The following NLRP11 variants were observed in gnomAD, a reference collection of about 807,000 sequenced individuals.
The protein encoded by NLRP11 is NACHT, LRR and PYD domains-containing protein 11.
Under a neutral mutation model 79.3 loss-of-function variants are expected in NLRP11, and 53 were observed. That is an observed-to-expected ratio of 0.67 (90% confidence interval 0.54 to 0.84). NLRP11 has a LOEUF of 0.84. Among genes scored for constraint, NLRP11 ranks in the 40% least tolerant of loss-of-function variants. The pLI is 0.00. For synonymous variants in NLRP11, 518 were observed against 462.6 expected, an observed-to-expected ratio of 1.12 and a Z score of -1.54; for missense variants, 1,264 against 1,255.0, an observed-to-expected ratio of 1.01 and a Z score of -0.11.
intron 2 of NLRP11, among the ~76,000 whole-genome samples, chr19:55,816,661 C>T (rs571544396): frequency 1.8e-4 from 28 of 152,168 alleles, no homozygotes; most frequent in Admixed American, 5.2e-4. Context: ...ATGGTAGGAG[C>T]GTACCCGGTT....
Position 55,796,070 on chromosome 19 carries a change from G to A in NLRP11, c.2342+10C>T, listed in dbSNP as rs1263239364. On this transcript the variant is annotated intron_variant, in intron 6 of 9. Coordinates refer to ENST00000589093, the Ensembl canonical transcript of NLRP11. ...GCTTCTACGTGGTGAGCTCGTCTAA[G>A]CCAACTTACACCAGTGATATAAGAG... The A allele has an allele frequency of 1.9e-6, 3 of 1,604,256 alleles. No homozygotes were observed. The highest frequency in any genetic ancestry group is 1.7e-5 in the Admixed American group (1 of 59,826).
intron 4 of NLRP11, among the ~76,000 whole-genome samples, chr19:55,807,252 G>T (rs1013758926): frequency 2.0e-5 from 3 of 152,086 alleles, no homozygotes; most frequent in African/African-American, 7.2e-5. Context: ...GATGTGTACT[G>T]AATATTTTAG....
intron 1 of NLRP11, 120 bp from the exon 2 acceptor site, chr19:55,818,356 A>G (rs910684000): frequency 2.5e-5 from 15 of 596,686 alleles, no homozygotes; most frequent in African/African-American, 1.5e-4. Flanking sequence ...GCCATCAACG[A>G]TAAGTCTGAA....
Position 55,793,708 on chromosome 19 carries a change from C to T in NLRP11, c.2343-1237G>A, listed in dbSNP as rs1426708008. 4.6e-5 allele frequency among the ~76,000 whole-genome samples: 7 copies of T among 152,130 alleles called. No homozygotes were observed. The South Asian group carries it at 6.2e-4, about 14-fold the overall frequency. On this transcript the variant is annotated intron_variant, in intron 6 of 9. Transcript: ENST00000589093. ...CTGGCCCCTCCCTGCTTTTGCACAGCTGCAAGCTTAGAATGATTTTTGTGC... is the reference window on the plus strand; with the variant it reads ...CTGGCCCCTCCCTGCTTTTGCACAGTTGCAAGCTTAGAATGATTTTTGTGC...
intron 1 of NLRP11, among the ~76,000 whole-genome samples, chr19:55,821,724 C>T (rs978720050): frequency 7.7e-6 from 1 of 130,686 alleles, no homozygotes; most frequent in African/African-American, 3.5e-5. Flanking sequence ...ATGGGAGAAC[C>T]CATTAACATT....
intron 4 of NLRP11, among the ~76,000 whole-genome samples, chr19:55,806,598 A>T (rs143130195): frequency 1.6e-4 from 24 of 152,292 alleles, no homozygotes; most frequent in African/African-American, 5.3e-4. Flanking sequence ...GAGCTTTCAG[A>T]TTCTGCCCTA....
chr19:55,809,171 T>C lies in NLRP11; in HGVS notation c.1439A>G (p.Glu480Gly). The C allele has an allele frequency of 6.2e-7, 1 of 1,613,610 alleles. No homozygotes were observed. Among genetic ancestry groups the C allele is most frequent in the East Asian group, 2.2e-5 (1 of 44,868 alleles). ...AAAGTCAGAGTATTGTTCTCTCTTCTCTTTATACTCTCTGCTGCCTGAGGG... is the reference window on the plus strand; with the variant it reads ...AAAGTCAGAGTATTGTTCTCTCTTCCCTTTATACTCTCTGCTGCCTGAGGG... The change falls in exon 3 of 10, where the codon GAG (glutamate) becomes GGG (glycine). Residue 480 changes from glutamate to glycine, a missense_variant. By Grantham distance (98) the Glu-to-Gly change is moderately conservative. Transcript: ENST00000589093. The surrounding 1 kb of genome is among the most constrained non-coding windows in gnomAD (Gnocchi z 4.5).
chr19:55,812,249 A>G (rs1484377362), intron 2 of NLRP11, among the ~76,000 whole-genome samples: 1 of 152,212 alleles, frequency 6.6e-6, no homozygotes, highest in Non-Finnish European at 1.5e-5. Context: ...TAAGAATCAG[A>G]TGGATGCTCT....
At chr19:55,814,409 T>C (rs537579015) in intron 2 of NLRP11, among the ~76,000 whole-genome samples, 2 of 152,142 alleles carry the variant, frequency 1.3e-5, no homozygotes, top group South Asian at 4.2e-4. Context: ...AAACCATCCA[T>C]CTCCACCCCT....
chr19:55,801,601 G>A (rs544954772), exon 5 of NLRP11: 11 of 1,614,062 alleles, frequency 6.8e-6, no homozygotes, highest in East Asian at 6.7e-5. Context: ...ATGTGGGCTC[G>A]TGCAGGATGT....
chr19:55,830,782 G>T (rs1982686269), intron 1 of NLRP11, among the ~76,000 whole-genome samples: 1 of 152,088 alleles, frequency 6.6e-6, no homozygotes, highest in African/African-American at 2.4e-5. Flanking sequence ...TGAACTATGA[G>T]GTGATCTCCA....
chr19:55,799,174 T>C (rs573724003), intron 5 of NLRP11, among the ~76,000 whole-genome samples: 8 of 151,886 alleles, frequency 5.3e-5, no homozygotes, highest in Non-Finnish European at 2.9e-5. Context: ...GGGTGAGGCA[T>C]GAAAATTGCT....
At chr19:55,790,864 G>A (rs560039653) in intron 7 of NLRP11, among the ~76,000 whole-genome samples, 2 of 152,170 alleles carry the variant, frequency 1.3e-5, no homozygotes, top group Non-Finnish European at 2.9e-5. Context: ...AAAATAAAGG[G>A]TGATCAATAA....
upstream of NLRP11, among the ~76,000 whole-genome samples, chr19:55,834,985 T>C (rs1386842737): frequency 6.6e-6 from 1 of 152,144 alleles, no homozygotes; most frequent in Non-Finnish European, 1.5e-5. Flanking sequence ...TTTATTTTGG[T>C]GGGAACCCCT....
intron 2 of NLRP11, among the ~76,000 whole-genome samples, chr19:55,812,914 G>T (rs1361759892): frequency 6.6e-6 from 1 of 152,136 alleles, no homozygotes; most frequent in Non-Finnish European, 1.5e-5. Flanking sequence ...TTATCTTCAA[G>T]TTAATAATGT....
At chr19:55,811,759 A>G (rs567702615) in intron 2 of NLRP11, among the ~76,000 whole-genome samples, 1 of 152,370 alleles carries the variant, frequency 6.6e-6, no homozygotes, top group East Asian at 1.9e-4. Flanking sequence ...ATTCATAATC[A>G]AGAAAAAAAA....
intron 3 of NLRP11, among the ~76,000 whole-genome samples, 165 bp from the exon 4 acceptor site, chr19:55,808,179 G>A (rs529885719): frequency 6.6e-6 from 1 of 152,202 alleles, no homozygotes. Flanking sequence ...ACAACACTCA[G>A]ATCCATTAAA....
intron 1 of NLRP11, among the ~76,000 whole-genome samples, chr19:55,824,716 C>G (rs1982132622): frequency 1.9e-5 from 2 of 105,998 alleles, no homozygotes. Context: ...AGCTAACTAT[C>G]CTAAATATAT....
intron 1 of NLRP11, among the ~76,000 whole-genome samples, chr19:55,820,527 C>A (rs1172306815): frequency 6.6e-6 from 1 of 152,114 alleles, no homozygotes; most frequent in East Asian, 1.9e-4. Context: ...AAAGGGGAAG[C>A]AATCGCACCC....
Sources: gnomAD v4.1 joint callset for allele counts (sites outside exome capture counted in the v4.1 genomes callset) on GRCh38, gnomAD v4.1.1 for gene constraint, Gnocchi (gnomAD v3.1) non-coding constraint, MANE v1.5 for transcripts, NCBI Gene and HGNC (gene_info 2026-07-23, HGNC 2026-07-21) for gene names.